Variants in ELAVL4 observed in about 807,000 individuals in gnomAD.
ELAVL4 encodes the protein ELAV-like protein 4.
In ELAVL4, 1 loss-of-function variant was observed where a neutral mutation model predicts 35.6. The ratio of observed to expected loss-of-function variants is 0.03; its 90% CI spans 0.01 to 0.13. ELAVL4 has a LOEUF of 0.13. ELAVL4 is among the 10% of genes least tolerant of loss of function. The probability of loss-of-function intolerance (pLI) is 1.00; values close to 1 mark genes in which losing one functional copy is unlikely to be tolerated. For missense variants in ELAVL4, 267 were observed against 464.9 expected, an observed-to-expected ratio of 0.57 and a Z score of 3.91; for synonymous variants, 156 against 171.0, an observed-to-expected ratio of 0.91 and a Z score of 0.69.
intron 3 of ELAVL4, among the ~76,000 whole-genome samples, chr1:50,177,705 G>C (rs552770099): frequency 6.6e-6 from 1 of 152,278 alleles, no homozygotes; most frequent in East Asian, 1.9e-4. Context: ...CTTTACCTAA[G>C]GGTGGTTAGG....
At chr1:50,069,011 C>G (rs1240289069) in intron 1 of ELAVL4, among the ~76,000 whole-genome samples, 1 of 152,170 alleles carries the variant, frequency 6.6e-6, no homozygotes, top group Admixed American at 6.5e-5. Context: ...AAGTATTTTA[C>G]CCAGGATTTC....
chr1:50,104,277 G>A (rs981570696), upstream of ELAVL4, among the ~76,000 whole-genome samples: 2 of 152,122 alleles, frequency 1.3e-5, no homozygotes, highest in Non-Finnish European at 2.9e-5. Flanking sequence ...TTAGCACCAA[G>A]GCAAGAAAAC....
chr1:50,180,640 G>A (rs1008850919), intron 3 of ELAVL4: 10 of 152,132 alleles, frequency 6.6e-5, no homozygotes, highest in African/African-American at 1.9e-4. Flanking sequence ...TGCATAGTGT[G>A]GATGGTGACT....
intron 2 of ELAVL4, among the ~76,000 whole-genome samples, chr1:50,162,696 G>A (rs942491456): frequency 7.9e-5 from 12 of 152,096 alleles, no homozygotes; most frequent in African/African-American, 2.4e-4. Context: ...TGAATCTCCT[G>A]CCTCAGCCAC....
At chr1:50,196,803 G>A (rs187720426) in intron 5 of ELAVL4, among the ~76,000 whole-genome samples, 23 of 152,182 alleles carry the variant, frequency 1.5e-4, no homozygotes, top group African/African-American at 5.3e-4. Flanking sequence ...CGTTACTACT[G>A]CCCTATGGTG....
chr1:50,115,683 T>TGAA (rs1358065558), intron 1 of ELAVL4, among the ~76,000 whole-genome samples: 3 of 152,164 alleles, frequency 2.0e-5, no homozygotes, highest in Non-Finnish European at 4.4e-5. Flanking sequence ...CTGTTTGCAC[T>TGAA]TCGTAGCATT....
intron 1 of ELAVL4, among the ~76,000 whole-genome samples, chr1:50,050,771 GA>G (rs146295114): frequency 0.011 from 1,686 of 152,170 alleles, 25 homozygotes; most frequent in African/African-American, 0.039. Context: ...TATGATAATG[GA>G]TATTATAATA....
At chr1:50,195,924 G>A (rs950465383) in intron 5 of ELAVL4, 138 bp downstream of exon 5, 24 of 969,084 alleles carry the variant, frequency 2.5e-5, no homozygotes, top group Admixed American at 1.1e-4. Context: ...AACTCCCCCC[G>A]AGCCTCAGTT....
intron 2 of ELAVL4, among the ~76,000 whole-genome samples, chr1:50,172,089 A>G (rs1490512111): frequency 1.3e-5 from 2 of 152,316 alleles, no homozygotes; most frequent in East Asian, 3.9e-4. Context: ...GATGGTTTTT[A>G]AAAAGCGAAA....
chr1:50,072,411 C>T (rs1302261301), intron 1 of ELAVL4, among the ~76,000 whole-genome samples: 1 of 152,182 alleles, frequency 6.6e-6, no homozygotes, highest in African/African-American at 2.4e-5. Flanking sequence ...ATTCCTTCTC[C>T]AGCAGAGACA....
chr1:50,118,963 AGGGAGGGAGG>A (rs1392843751), intron 1 of ELAVL4, among the ~76,000 whole-genome samples: 1 of 93,872 alleles, frequency 1.1e-5, no homozygotes, highest in African/African-American at 4.7e-5. Context: ...AGAGAGAGAG[AGGGAGGGAGG>A]GAGGGAGGGA....
At chr1:50,101,149 T>C (rs571900499), upstream of ELAVL4, among the ~76,000 whole-genome samples, 1 of 152,324 alleles carries the variant, frequency 6.6e-6, no homozygotes, top group Non-Finnish European at 1.5e-5. Context: ...GGATAGTACT[T>C]GAAGTGTTAA....
chr1:50,076,362 A>G (rs554550739), intron 1 of ELAVL4, among the ~76,000 whole-genome samples: 2 of 152,218 alleles, frequency 1.3e-5, no homozygotes, highest in Non-Finnish European at 2.9e-5. Context: ...TCACGCTTAC[A>G]TAACTTTTAT....
intron 2 of ELAVL4, among the ~76,000 whole-genome samples, chr1:50,146,482 T>A (rs1435331563): frequency 6.6e-6 from 1 of 152,178 alleles, no homozygotes; most frequent in East Asian, 1.9e-4. Context: ...TAGCACAATG[T>A]CTACTGCACA....
chr1:50,192,519 G>GCACACACACACA lies in ELAVL4; in HGVS notation c.355-1212_355-1201dup, dbSNP rs5774068. ...TTTGCACACATGCTTTTGTGTGCACGCACACACACACACACACACACACAC... is the reference window on the plus strand; with the variant it reads ...TTTGCACACATGCTTTTGTGTGCACGCACACACACACACACACACACACACACACACACACAC... On this transcript the variant is annotated intron_variant, in intron 3 of 6. Transcript: ENST00000371824. Among the ~76,000 whole-genome samples, 1,335 of 140,406 alleles carry GCACACACACACA rather than the reference G, an allele frequency of 9.5e-3. 9 individuals are homozygous for GCACACACACACA. The highest frequency in any genetic ancestry group is 0.012 in the Admixed American group (165 of 14,042). The allele number at this position is 140,406 out of a possible 152,430, so 92.1% of individuals were successfully genotyped here. A position where few individuals can be genotyped will look rare whatever the true frequency, so the allele number is the denominator to read the frequency against.
At position 50,065,708 on chromosome 1, in the gene ELAVL4, T is replaced by C. The variant is rs143613384; in HGVS notation, c.18+17526T>C. ...TGAAACAGTGAATGTTTATTATTGC[T>C]CATGAGTCTACAAGTCAGTTCTTTT... is the stretch of plus-strand genomic sequence containing the variant. On this transcript the variant is annotated intron_variant, in intron 1 of 6. Coordinates refer to the ELAVL4 transcript ENST00000448907. 2.8e-3 allele frequency among the ~76,000 whole-genome samples: 432 copies of C among 152,286 alleles called. 2 individuals carry two copies. The highest frequency in any genetic ancestry group is 1.0e-2 in the African/African-American group (414 of 41,572).
chr1:50,165,477 C>A (rs542146826), intron 2 of ELAVL4, among the ~76,000 whole-genome samples: 49 of 150,074 alleles, frequency 3.3e-4, no homozygotes, highest in Non-Finnish European at 5.5e-4. Context: ...CACACACTCA[C>A]ATATATATGT....
At chr1:50,166,834 T>C (rs1678013990) in intron 2 of ELAVL4, among the ~76,000 whole-genome samples, 1 of 152,232 alleles carries the variant, frequency 6.6e-6, no homozygotes, top group African/African-American at 2.4e-5. Flanking sequence ...AACTCCCTTC[T>C]TAGCCTGTTG....
intron 1 of ELAVL4, among the ~76,000 whole-genome samples, chr1:50,090,050 G>A (rs756142183): frequency 7.9e-5 from 12 of 152,214 alleles, no homozygotes; most frequent in Non-Finnish European, 1.6e-4. Flanking sequence ...GCATCAGAGA[G>A]TTGGGTGGAG....
Sources: gnomAD v4.1 joint callset for allele counts (sites outside exome capture counted in the v4.1 genomes callset) on GRCh38, gnomAD v4.1.1 for gene constraint, MANE v1.5 for transcripts, NCBI Gene and HGNC (gene_info 2026-07-23, HGNC 2026-07-21) for gene names.